Variants in ACOT1 observed in about 807,000 individuals in gnomAD.
The protein encoded by ACOT1 is acyl-CoA thioesterase 1, also known as acyl-coenzyme A thioesterase 1.
In ACOT1, 8 loss-of-function variants were observed where a neutral mutation model predicts 15.7. The observed-to-expected ratio is 0.51, with a 90% CI of 0.30 to 0.92. The LOEUF (loss-of-function observed/expected upper bound fraction) is 0.92, where lower values mean the gene tolerates loss of function less well. Among genes scored for constraint, ACOT1 ranks in the 40% least tolerant of loss-of-function variants. The probability of loss-of-function intolerance (pLI) is 0.06; values close to 1 mark genes in which losing one functional copy is unlikely to be tolerated. For missense variants in ACOT1, 151 were observed against 539.4 expected, an observed-to-expected ratio of 0.28 and a Z score of 7.13; for synonymous variants, 67 against 241.2, an observed-to-expected ratio of 0.28 and a Z score of 6.69.
At chr14:73,515,671 C>CAAAAA in the ACOT1 span, among the ~76,000 whole-genome samples, 1 of 33,484 alleles carries the variant, frequency 3.0e-5, no homozygotes, top group Non-Finnish European at 5.4e-5. Context: ...GACTCCATCT[C>CAAAAA]AAAAAAAAAA....
chr14:73,492,434 C>G, the ACOT1 span: 1 of 1,613,790 alleles, frequency 6.2e-7, no homozygotes. The surrounding 1 kb of genome is among the most constrained non-coding windows in gnomAD (Gnocchi z 4.9). Context: ...TAAGGATCCG[C>G]GAAGAACCGC....
At chr14:73,497,201 C>G in the ACOT1 span, among the ~76,000 whole-genome samples, 1 of 150,812 alleles carries the variant, frequency 6.6e-6, no homozygotes, top group Non-Finnish European at 1.5e-5. Flanking sequence ...CGGCCATGCC[C>G]GTCTAATTTT....
chr14:73,522,315 G>T, the ACOT1 span: 3 of 1,614,228 alleles, frequency 1.9e-6, no homozygotes, highest in South Asian at 1.1e-5. Flanking sequence ...TTCTTTTCCT[G>T]TGGGGGCAGG....
At chr14:73,506,804 G>GTTTTTTTTTTTTTTT in the ACOT1 span, among the ~76,000 whole-genome samples, 30 of 80,488 alleles carry the variant, frequency 3.7e-4, 4 homozygotes, top group East Asian at 1.7e-3. Context: ...GACTTTAACT[G>GTTTTTTTTTTTTTTT]TTTTTTTTTT....
chr14:73,513,964 A>T, the ACOT1 span: 1 of 1,493,856 alleles, frequency 6.7e-7, no homozygotes, highest in Non-Finnish European at 9.3e-7. Context: ...AAGACTGAGA[A>T]AGCCTAGTCC....
At chr14:73,491,546 G>A in the ACOT1 span, 1 of 1,534,194 alleles carries the variant, frequency 6.5e-7, no homozygotes, top group South Asian at 1.2e-5. Flanking sequence ...TAACACGGGT[G>A]GGGAGCCGGC....
the ACOT1 span, among the ~76,000 whole-genome samples, chr14:73,526,935 G>A: frequency 6.6e-6 from 1 of 152,180 alleles, no homozygotes; most frequent in Non-Finnish European, 1.5e-5. Flanking sequence ...ACAGCCCAGT[G>A]GGGAGAGAGA....
the ACOT1 span, among the ~76,000 whole-genome samples, chr14:73,510,791 C>A: frequency 2.6e-5 from 4 of 152,122 alleles, no homozygotes; most frequent in African/African-American, 9.7e-5. Context: ...GGGGACAGCA[C>A]AGGAGCATGT....
chr14:73,542,606 A>C (rs1255809473), intron 2 of ACOT1, among the ~76,000 whole-genome samples: 1 of 107,516 alleles, frequency 9.3e-6, no homozygotes, highest in East Asian at 7.3e-4. Context: ...GGGTTTCACC[A>C]TATTGGCCAG....
chr14:73,529,000 G>A, the ACOT1 span: 7 of 152,088 alleles, frequency 4.6e-5, no homozygotes, highest in Admixed American at 4.6e-4. Flanking sequence ...CCAACAAATA[G>A]CCCTCTAGAA....
upstream of ACOT1, among the ~76,000 whole-genome samples, chr14:73,532,966 T>A (rs1238488445): frequency 7.3e-5 from 8 of 109,210 alleles, 3 homozygotes; most frequent in South Asian, 8.7e-4. Context: ...AAAAAATAAA[T>A]AAATAAATAA....
At chr14:73,530,821 T>G in the ACOT1 span, among the ~76,000 whole-genome samples, 3 of 74,050 alleles carry the variant, frequency 4.1e-5, no homozygotes, top group African/African-American at 1.4e-4. Context: ...TTTTTTTTTG[T>G]AGAGATAGAG....
At chr14:73,518,363 C>A in the ACOT1 span, among the ~76,000 whole-genome samples, 1 of 150,784 alleles carries the variant, frequency 6.6e-6, no homozygotes, top group African/African-American at 2.4e-5. Context: ...GAGATCACGC[C>A]ACTGCACTCC....
At chr14:73,522,908 C>T in the ACOT1 span, 1 of 1,614,204 alleles carries the variant, frequency 6.2e-7, no homozygotes, top group South Asian at 1.1e-5. Context: ...GCTGGGCAGG[C>T]CTCGCTGCCA....
the ACOT1 span, among the ~76,000 whole-genome samples, chr14:73,508,751 C>CA: frequency 0.3 from 17,078 of 57,626 alleles, 2,956 homozygotes; most frequent in South Asian, 0.42. Context: ...AACTCTGTCT[C>CA]AAAAAAAAAA....
chr14:73,494,606 A>T, the ACOT1 span, among the ~76,000 whole-genome samples: 1 of 152,166 alleles, frequency 6.6e-6, no homozygotes, highest in Admixed American at 6.6e-5. Context: ...GCTGGGGTAC[A>T]GTGGTGAGAT....
the ACOT1 span, chr14:73,491,712 G>C: frequency 6.4e-7 from 1 of 1,550,620 alleles, no homozygotes; most frequent in Non-Finnish European, 8.7e-7. Flanking sequence ...CTGGTGCGGC[G>C]GCAGGACCAC....
chr14:73,514,313 A>T, the ACOT1 span: 1 of 1,304,488 alleles, frequency 7.7e-7, no homozygotes, highest in Non-Finnish European at 1.1e-6. Flanking sequence ...CTTGCATCCC[A>T]TTCCTATTCC....
rs201417375 is a variant in ACOT1, at chr14:73,541,669, G to A, written c.634G>A (p.Val212Met). 327 of 1,242,838 alleles carry A rather than the reference G, an allele frequency of 2.6e-4. 95 individuals are homozygous for A. The South Asian group carries it at 2.8e-3, about 10-fold the overall frequency. The allele number at this position is 1,242,838 out of a possible 1,614,324, so 77.0% of individuals were successfully genotyped here. The change falls in exon 2 of 3, where the codon GTG becomes ATG. Residue 212 changes from valine to methionine, a missense_variant. Transcript: ENST00000311148. ...TLHLEYFEEA[V>M]NYLLSHPEVK... ...CCATCTGGAGTACTTTGAAGAAGCT[G>A]TGAACTACTTGCTCAGTCATCCTGA...
Sources: gnomAD v4.1 joint callset for allele counts (sites outside exome capture counted in the v4.1 genomes callset) on GRCh38, gnomAD v4.1.1 for gene constraint, Gnocchi (gnomAD v3.1) non-coding constraint, MANE v1.5 for transcripts, NCBI Gene and HGNC (gene_info 2026-07-23, HGNC 2026-07-21) for gene names.